Variants in SOX6 observed in about 807,000 individuals in gnomAD.
SOX6 encodes the protein transcription factor SOX-6.
SOX6 carries 11 observed loss-of-function variants against 97.8 expected under a neutral mutation model. The ratio of observed to expected loss-of-function variants is 0.11; its 90% confidence interval spans 0.07 to 0.19. The LOEUF (loss-of-function observed/expected upper bound fraction) is 0.19, where lower values mean the gene tolerates loss of function less well. SOX6 is among the 10% of genes least tolerant of loss of function. The probability of loss-of-function intolerance (pLI) is 1.00; values close to 1 mark genes in which losing one functional copy is unlikely to be tolerated. For synonymous variants in SOX6, 360 were observed against 371.4 expected, an observed-to-expected ratio of 0.97 and a Z score of 0.35; for missense variants, 810 against 1,039.5, an observed-to-expected ratio of 0.78 and a Z score of 3.04.
At chr11:16,640,645 G>C (rs918891041) in intron 3 of SOX6, among the ~76,000 whole-genome samples, 2 of 152,136 alleles carry the variant, frequency 1.3e-5, no homozygotes, top group East Asian at 3.8e-4. Context: ...TTGGGAGGGC[G>C]TATGTGTCGA....
chr11:16,358,175 C>T (rs183816358), upstream of SOX6, among the ~76,000 whole-genome samples: 2 of 152,288 alleles, frequency 1.3e-5, no homozygotes, highest in East Asian at 3.9e-4. Flanking sequence ...AAAGATGACT[C>T]TGACCACATT....
chr11:16,516,266 C>A (rs1184550042), intron 4 of SOX6, among the ~76,000 whole-genome samples: 3 of 151,900 alleles, frequency 2.0e-5, no homozygotes, highest in Non-Finnish European at 4.4e-5. Flanking sequence ...TCCTTCACAT[C>A]CCTTGTAAGT....
At chr11:16,675,270 C>G (rs929488367) in intron 3 of SOX6, among the ~76,000 whole-genome samples, 1 of 152,222 alleles carries the variant, frequency 6.6e-6, no homozygotes, top group Non-Finnish European at 1.5e-5. Flanking sequence ...CTGCTTCAGC[C>G]TCCCATGTAG....
intron 3 of SOX6, among the ~76,000 whole-genome samples, chr11:16,254,509 T>G (rs1176853772): frequency 1.3e-5 from 2 of 152,060 alleles, no homozygotes; most frequent in Non-Finnish European, 2.9e-5. Flanking sequence ...GAATATTTTG[T>G]TATTATGAGG....
intron 15 of SOX6, among the ~76,000 whole-genome samples, chr11:15,982,520 CTCAAG>C (rs2119817321): frequency 6.6e-6 from 1 of 152,126 alleles, no homozygotes; most frequent in South Asian, 2.1e-4. Flanking sequence ...TCTGAGGATG[CTCAAG>C]TCCCTTTTAT....
intron 6 of SOX6, among the ~76,000 whole-genome samples, chr11:16,141,922 T>C (rs1850154206): frequency 6.6e-6 from 1 of 152,144 alleles, no homozygotes; most frequent in Non-Finnish European, 1.5e-5. Context: ...ACTCCACCTC[T>C]GGAGGCAGGG....
intron 3 of SOX6, among the ~76,000 whole-genome samples, chr11:16,629,949 T>C (rs1405717530): frequency 6.6e-6 from 1 of 152,186 alleles, no homozygotes; most frequent in Non-Finnish European, 1.5e-5. Flanking sequence ...TAATGTCACC[T>C]TTTGTCATTT....
rs1380500983 is a variant in SOX6, at chr11:15,969,341, A to AT, written c.*3467dup. Reference sequence around the variant, plus strand: ...TGGCATTCATGCTTCTTGCTATTAAATGGTCACAGAACTATCTTAGAAGAT... The same window carrying AT: ...TGGCATTCATGCTTCTTGCTATTAAATTGGTCACAGAACTATCTTAGAAGAT... On this transcript the variant is annotated 3_prime_UTR_variant, in exon 16 of 16. Transcript: ENST00000683767. The AT allele has an allele frequency of 6.6e-6, 1 of 152,214 alleles. No homozygotes were observed. Among genetic ancestry groups the AT allele is most frequent in the Non-Finnish European group, 1.5e-5 (1 of 68,028 alleles). 9.4% of individuals were successfully genotyped at this position (152,214 alleles called of 1,614,324 possible). A position where few individuals can be genotyped will look rare whatever the true frequency, so the allele number is the denominator to read the frequency against.
chr11:16,327,882 T>A (rs904502114), intron 2 of SOX6, among the ~76,000 whole-genome samples: 1 of 152,128 alleles, frequency 6.6e-6, no homozygotes, highest in East Asian at 1.9e-4. Flanking sequence ...GCTGCAAGAA[T>A]CAACTTCCCT....
At chr11:16,287,298 T>TCACACACACACACACA (rs371413164) in intron 3 of SOX6, among the ~76,000 whole-genome samples, 1 of 123,450 alleles carries the variant, frequency 8.1e-6, no homozygotes, top group African/African-American at 3.3e-5. Flanking sequence ...TCTCTCTCTC[T>TCACACACACACACACA]CACACACACA....
chr11:16,052,081 T>C (rs562358938), intron 10 of SOX6, among the ~76,000 whole-genome samples: 8 of 152,304 alleles, frequency 5.3e-5, no homozygotes, highest in Non-Finnish European at 1.2e-4. Context: ...CGTTTTCCTC[T>C]ATCTTCTTGA....
intron 13 of SOX6, among the ~76,000 whole-genome samples, chr11:15,990,052 C>G (rs1853998821): frequency 6.6e-6 from 1 of 151,940 alleles, no homozygotes; most frequent in Non-Finnish European, 1.5e-5. Flanking sequence ...AAGGGTAATT[C>G]AGGGTAAAGG....
chr11:16,064,208 AT>A (rs1197536924), intron 9 of SOX6, among the ~76,000 whole-genome samples: 5 of 151,740 alleles, frequency 3.3e-5, no homozygotes, highest in Non-Finnish European at 5.9e-5. Flanking sequence ...GACTGATAAG[AT>A]AAAAAGAAGA....
chr11:16,630,461 T>C (rs1237541443), intron 3 of SOX6, among the ~76,000 whole-genome samples: 1 of 152,156 alleles, frequency 6.6e-6, no homozygotes, highest in Non-Finnish European at 1.5e-5. Context: ...GTATAGTTGG[T>C]ATAATTTTGA....
intron 1 of SOX6, among the ~76,000 whole-genome samples, chr11:16,424,815 A>G (rs1859092449): frequency 6.6e-6 from 1 of 152,242 alleles, no homozygotes; most frequent in South Asian, 2.1e-4. Flanking sequence ...CACAAGCCAT[A>G]TGGCTCTGGG....
chr11:16,408,154 A>G (rs2133052300), intron 1 of SOX6, among the ~76,000 whole-genome samples: 1 of 152,312 alleles, frequency 6.6e-6, no homozygotes, highest in South Asian at 2.1e-4. Flanking sequence ...TAATAGGTCC[A>G]TAGAAAAATC....
intron 4 of SOX6, among the ~76,000 whole-genome samples, chr11:16,222,713 T>C (rs1204181069): frequency 3.3e-5 from 5 of 152,092 alleles, no homozygotes; most frequent in African/African-American, 1.2e-4. Flanking sequence ...ATATTTTCAG[T>C]TGCAAGTACT....
At chr11:16,057,476 G>A (rs1308795794) in intron 9 of SOX6, among the ~76,000 whole-genome samples, 1 of 152,048 alleles carries the variant, frequency 6.6e-6, no homozygotes, top group African/African-American at 2.4e-5. Flanking sequence ...AATATATCAG[G>A]TAATCTCTGA....
At position 16,097,681 on chromosome 11, in the gene SOX6, G is replaced by A. The variant is rs1848834528; in HGVS notation, c.906C>T (p.Asn302=). 2 of 1,610,674 alleles carry A rather than the reference G, an allele frequency of 1.2e-6. No homozygotes were observed. The highest frequency in any genetic ancestry group is 2.7e-5 in the African/African-American group (2 of 74,690). The part of the protein sequence containing the change: ...PPGITYKPGD[N]YPVQFIPSTM... ...TTGATGGAATGAACTGTACGGGGTA[G>A]TTATCACCTGTCGGAAAGAACAATG... Residue 302 remains asparagine (N), a synonymous_variant, in exon 8 of 16, where the codon AAC becomes AAT. Coordinates refer to ENST00000683767, the MANE Select transcript of SOX6 (RefSeq NM_001367873.1).
Sources: gnomAD v4.1 joint callset for allele counts (sites outside exome capture counted in the v4.1 genomes callset) on GRCh38, gnomAD v4.1.1 for gene constraint, MANE v1.5 for transcripts, NCBI Gene and HGNC (gene_info 2026-07-23, HGNC 2026-07-21) for gene names.